ZNF550: variants seen among roughly 807,000 people sequenced by gnomAD.
ZNF550 encodes zinc finger protein 550.
ZNF550 carries 42 observed loss-of-function variants against 40.2 expected under a neutral mutation model. The observed-to-expected ratio is 1.05, with a 90% CI of 0.82 to 1.35. The LOEUF is 1.35. Ranked by LOEUF, ZNF550 falls within the 40% of genes most tolerant of loss-of-function variation. The pLI, the probability that ZNF550 is intolerant of heterozygous loss-of-function variation, is 0.00. For missense variants in ZNF550, 549 were observed against 525.2 expected (o/e 1.05, Z -0.44); for synonymous variants, 223 against 198.6 (o/e 1.12, Z -1.03).
chr19:57,547,358 A>G (rs769520622), exon 4 of ZNF550: 1 of 1,613,020 alleles, frequency 6.2e-7, no homozygotes, highest in Non-Finnish European at 8.5e-7. Flanking sequence ...CGGTGGGTGA[A>G]GGCCTTTCGA....
rs1600170195 is a variant in ZNF550, at chr19:57,543,681, A to G, written c.*519-438T>C. ...CCGGGCACGGTGGCTCACGCCTGTA[A>G]TCGCAGCACTTTGGGAGGCAGAGGC... On this transcript the variant is annotated intron_variant, in intron 4 of 4. Transcript: ENST00000457177. 3 of 973,840 alleles carry G rather than the reference A, an allele frequency of 3.1e-6. No homozygotes were observed. The East Asian group carries it at 3.4e-4, about 111-fold the overall frequency. 60.3% of individuals were successfully genotyped at this position (973,840 alleles called of 1,614,324 possible).
chr19:57,554,474 C>A lies in ZNF550; in HGVS notation c.155-1752G>T, dbSNP rs1200635322. 6.6e-6 allele frequency: 1 copy of A among 152,282 alleles called. No individual in the cohort carries two copies. The allele number at this position is 152,282 out of a possible 1,614,324, so 9.4% of individuals were successfully genotyped here. On this transcript the variant is annotated intron_variant, in intron 2 of 4. Transcript: ENST00000457177. This position sits in a 1 kb window ranked among gnomAD's most constrained non-coding sequence, Gnocchi z 4.5. ...CACCGAACAAGCCTGGAGCCAACCACACCTCAGGCTTCTCATCAGGCGAGT... is the reference window on the plus strand; with the variant it reads ...CACCGAACAAGCCTGGAGCCAACCAAACCTCAGGCTTCTCATCAGGCGAGT...
Position 57,550,170 on chromosome 19 carries a change from C to T in ZNF550, c.251-2177G>A, listed in dbSNP as rs544121733. On this transcript the variant is annotated intron_variant, in intron 3 of 4. Coordinates refer to ENST00000457177, the Ensembl canonical transcript of ZNF550. ...CTGTGCTTCATGAAGTGGCCAGCAT[C>T]GCATGCTTAGAAGACCCGAGTGCAG... is the stretch of plus-strand genomic sequence containing the variant. Among the ~76,000 whole-genome samples the T allele has an allele frequency of 2.6e-3, 395 of 152,234 alleles. 1 individual carries two copies. Among genetic ancestry groups the T allele is most frequent in the South Asian group, 3.5e-3 (17 of 4,824 alleles).
chr19:57,551,144 A>T (rs1377750029), intron 3 of ZNF550, among the ~76,000 whole-genome samples: 5 of 152,196 alleles, frequency 3.3e-5, no homozygotes, highest in African/African-American at 4.8e-5. Context: ...ACTGACCATG[A>T]CTAGAGGTAA....
intron 3 of ZNF550, among the ~76,000 whole-genome samples, chr19:57,551,178 G>A (rs2123354214): frequency 6.6e-6 from 1 of 152,242 alleles, no homozygotes; most frequent in East Asian, 1.9e-4. Flanking sequence ...GAGGACAAGA[G>A]AAGCCAAGTA....
At chr19:57,547,387 G>T (rs767601529) in exon 4 of ZNF550, 1 of 1,612,830 alleles carries the variant, frequency 6.2e-7, no homozygotes. Flanking sequence ...ACACTCATAG[G>T]GTTTCTCTCC....
chr19:57,548,419 C>G (rs1377672774), intron 3 of ZNF550, among the ~76,000 whole-genome samples: 1 of 152,144 alleles, frequency 6.6e-6, no homozygotes, highest in Non-Finnish European at 1.5e-5. Flanking sequence ...GGCAAAAGAT[C>G]TGAATAGACA....
chr19:57,546,414 G>C (rs2090010235), intron 4 of ZNF550: 5 of 876,236 alleles, frequency 5.7e-6, no homozygotes, highest in Non-Finnish European at 5.5e-6. Flanking sequence ...AAATAAAACT[G>C]ATCTTACAGG....
At position 57,547,467 on chromosome 19, in the gene ZNF550, G is replaced by C. The variant is rs762698168; in HGVS notation, c.777C>G (p.Tyr259Ter). The C allele has an allele frequency of 6.2e-6, 10 of 1,613,964 alleles. No individual in the cohort carries two copies. Among genetic ancestry groups the C allele is most frequent in the South Asian group, 1.1e-5 (1 of 91,086 alleles). ...AGGCCTTCCCACACTCAAGGCACTT[G>C]TATGGTTTCTCCCCGGTGTGGATGA... The change falls in exon 4 of 5, where the codon TAC becomes TAG. Residue 259 changes from tyrosine to a stop codon, truncating the protein, a stop_gained. Coordinates refer to ENST00000457177, the Ensembl canonical transcript of ZNF550. LOFTEE classifies it high-confidence loss of function.
chr19:57,550,943 C>T lies in ZNF550; in HGVS notation c.250+1684G>A, dbSNP rs7259134. Among the ~76,000 whole-genome samples the T allele has an allele frequency of 2.7e-3, 414 of 152,266 alleles. 2 individuals are homozygous for T. Among genetic ancestry groups the T allele is most frequent in the African/African-American group, 9.5e-3 (394 of 41,552 alleles). On this transcript the variant is annotated intron_variant, in intron 3 of 4. Coordinates refer to ENST00000457177, the Ensembl canonical transcript of ZNF550. Reference sequence around the variant, plus strand: ...GGTGAAAAAGCATTTTGTCTGTTTTCGCCAAGTGTAAGCAATTTGAGTACA... The same window carrying T: ...GGTGAAAAAGCATTTTGTCTGTTTTTGCCAAGTGTAAGCAATTTGAGTACA...
At position 57,544,420 on chromosome 19, in the gene ZNF550, A is replaced by G. The variant is rs928731627; in HGVS notation, c.*519-1177T>C. ...AAAGAACCCTTTGATGACAGCCAAT[A>G]TGTTTCTAGAGGGGTTTCTCCAACT... On this transcript the variant is annotated intron_variant, in intron 4 of 4. Coordinates refer to ENST00000457177, the Ensembl canonical transcript of ZNF550. 5 of 985,298 alleles carry G rather than the reference A, an allele frequency of 5.1e-6. No homozygotes were observed. The African/African-American group carries it at 5.2e-5, about 10-fold the overall frequency. The allele number at this position is 985,298 out of a possible 1,614,324, so 61.0% of individuals were successfully genotyped here. A position where few individuals can be genotyped will look rare whatever the true frequency, so the allele number is the denominator to read the frequency against.
At chr19:57,546,241 CA>C (rs2090007920) in intron 4 of ZNF550, among the ~76,000 whole-genome samples, 1 of 152,054 alleles carries the variant, frequency 6.6e-6, no homozygotes, top group Non-Finnish European at 1.5e-5. Context: ...TTACTCTCCT[CA>C]TGGATATCCT....
chr19:57,556,482 C>A, intron 1 of ZNF550, 125 bp from the exon 2 acceptor site: 1 of 1,289,624 alleles, frequency 7.8e-7, no homozygotes, highest in Non-Finnish European at 1.1e-6. Flanking sequence ...CTCCTTTGGG[C>A]TGACTTCCGT....
intron 3 of ZNF550, 82 bp from the exon 4 acceptor site, chr19:57,548,075 A>G: frequency 7.7e-7 from 1 of 1,302,372 alleles, no homozygotes; most frequent in Non-Finnish European, 1.1e-6. Context: ...CAGTAGGAAA[A>G]TGAAGATGAA....
At chr19:57,559,783 C>T in exon 1 of ZNF550, 1 of 1,109,652 alleles carries the variant, frequency 9.0e-7, no homozygotes, top group South Asian at 1.9e-5. Context: ...AGTCGCCCTA[C>T]CATCCTTCCC....
At position 57,547,121 on chromosome 19, in the gene ZNF550, G is replaced by A; in HGVS notation, c.1123C>T (p.Gln375Ter). ...CTCCGGTGAAAGGCTTTCCCACACT[G>A]GGTGCATTCATAGGGCTTCTCCCCA... The change falls in exon 4 of 5, where the codon CAG (glutamine) becomes TAG (stop). Residue 375 changes from glutamine (Q) to a stop codon, truncating the protein, a stop_gained. Coordinates refer to ENST00000457177, the Ensembl canonical transcript of ZNF550. LOFTEE classifies it high-confidence loss of function. 6.2e-7 allele frequency: 1 copy of A among 1,612,970 alleles called. No homozygotes were observed. The highest frequency in any genetic ancestry group is 8.5e-7 in the Non-Finnish European group (1 of 1,179,682).
In ZNF550 at chr19:57,546,209, C is replaced by A. The variant is rs577382500; in HGVS notation, c.*518+248G>T. On this transcript the variant is annotated intron_variant, in intron 4 of 4. Coordinates refer to ENST00000457177, the Ensembl canonical transcript of ZNF550. ...AAATTCAAGAATCTCATGACACAAG[C>A]CTTCATATTTCTCACAAAGAATTAC... Among the ~76,000 whole-genome samples, 4 of 152,176 alleles carry A rather than the reference C, an allele frequency of 2.6e-5. No homozygotes were observed. In the East Asian group the frequency reaches 5.8e-4, roughly 22 times the overall value.
At chr19:57,556,148 A>C in intron 2 of ZNF550, 83 bp downstream of exon 2, 2 of 1,576,214 alleles carry the variant, frequency 1.3e-6, no homozygotes, top group Non-Finnish European at 1.7e-6. Context: ...TGTCAAGAGA[A>C]AGGTGGGCAG....
chr19:57,550,767 C>T (rs2090065676), intron 3 of ZNF550, among the ~76,000 whole-genome samples: 1 of 152,130 alleles, frequency 6.6e-6, no homozygotes, highest in Non-Finnish European at 1.5e-5. Flanking sequence ...CAAATTTGTA[C>T]TTATTATTGT....
Sources: gnomAD v4.1 joint callset for allele counts (sites outside exome capture counted in the v4.1 genomes callset) on GRCh38, gnomAD v4.1.1 for gene constraint, Gnocchi (gnomAD v3.1) non-coding constraint, MANE v1.5 for transcripts, NCBI Gene and HGNC (gene_info 2026-07-23, HGNC 2026-07-21) for gene names.